RFK: variants seen among roughly 807,000 people sequenced by gnomAD.
RFK encodes the protein riboflavin kinase.
A neutral mutation model predicts 17.6 loss-of-function variants in RFK; 4 were observed. That is an observed-to-expected ratio of 0.23 (90% CI 0.11 to 0.52). RFK has a LOEUF of 0.52. RFK is among the 20% of genes least tolerant of loss of function. The pLI, the probability that RFK is intolerant of heterozygous loss-of-function variation, is 0.96. For synonymous variants in RFK, 59 were observed against 63.8 expected, an observed-to-expected ratio of 0.92 and a Z score of 0.36; for missense variants, 189 against 187.7, an observed-to-expected ratio of 1.01 and a Z score of -0.04.
Position 76,387,117 on chromosome 9 carries a change from C to T in RFK, c.*282G>A, listed in dbSNP as rs1216715564. On this transcript the variant is annotated 3_prime_UTR_variant, in exon 4 of 4. Transcript: ENST00000376736. ...TTTTCATCTCAAACTAGTGACTTGC[C>T]TTTTTACCCATACTTATACACATGT... 3 of 229,482 alleles carry T rather than the reference C, an allele frequency of 1.3e-5. No homozygotes were observed. Among genetic ancestry groups the T allele is most frequent in the Non-Finnish European group, 2.6e-5 (3 of 116,550 alleles). The allele number at this position is 229,482 out of a possible 1,614,324, so 14.2% of individuals were successfully genotyped here. A position where few individuals can be genotyped will look rare whatever the true frequency, so the allele number is the denominator to read the frequency against.
Position 76,394,098 on chromosome 9 carries a change from A to G in RFK, c.74T>C (p.Ile25Thr). The change falls in exon 1 of 4, where the codon ATC (isoleucine) becomes ACC (threonine). Residue 25 changes from isoleucine to threonine, a missense_variant. This residue lies in a region of RFK where 90 missense variants were observed against 75.4 expected (regional missense o/e 1.19). Transcript: ENST00000376736. ...GGCCGCCCTGCTCTCACCTGTGGGG[A>G]TGCCCAGCTGCTTGGAGCCGCGGCC... The part of the protein sequence containing the change: ...GFGRGSKQLG[I>T]PTANFPEQVV... 1 of 1,606,242 alleles carries G rather than the reference A, an allele frequency of 6.2e-7. No homozygotes were observed. The highest frequency in any genetic ancestry group is 8.5e-7 in the Non-Finnish European group (1 of 1,177,562).
Position 76,387,061 on chromosome 9 carries a change from A to C in RFK, c.*338T>G. ...AGAAGTACACACTACACAAGTACAT[A>C]CATGCTGGCATTTTACCATGAAAAT... On this transcript the variant is annotated 3_prime_UTR_variant, in exon 4 of 4. Coordinates refer to ENST00000376736, the MANE Select transcript of RFK (RefSeq NM_018339.6). The C allele has an allele frequency of 5.1e-6, 1 of 195,586 alleles. No homozygotes were observed. The highest frequency in any genetic ancestry group is 1.1e-5 in the Non-Finnish European group (1 of 93,768). The allele number at this position is 195,586 out of a possible 1,614,324, so 12.1% of individuals were successfully genotyped here.
At chr9:76,388,149 A>G (rs1164133240) in intron 3 of RFK, 3 of 402,964 alleles carry the variant, frequency 7.4e-6, no homozygotes, top group African/African-American at 4.2e-5. Context: ...ACTTTATAAC[A>G]GAGTTAAAAC....
At chr9:76,390,336 TA>T (rs1014514380) in intron 2 of RFK, among the ~76,000 whole-genome samples, 2 of 152,020 alleles carry the variant, frequency 1.3e-5, no homozygotes, top group African/African-American at 4.8e-5. Context: ...AAGCACTAAC[TA>T]TAAAAAAAAT....
intron 2 of RFK, among the ~76,000 whole-genome samples, chr9:76,390,642 T>A (rs1462123163): frequency 2.7e-5 from 4 of 149,338 alleles, no homozygotes; most frequent in Admixed American, 6.8e-5. Context: ...GCAGCCTGGG[T>A]GACAGAGCAA....
rs1822736654 is a variant in RFK, at chr9:76,386,703, T to C, written c.*696A>G. ...GAATTGAAGCAGCTCTATACAATAATGAAGGTGGTACAATGATGTGACTGC... is the reference window on the plus strand; with the variant it reads ...GAATTGAAGCAGCTCTATACAATAACGAAGGTGGTACAATGATGTGACTGC... On this transcript the variant is annotated 3_prime_UTR_variant, in exon 4 of 4. Transcript: ENST00000376736. The C allele has an allele frequency of 6.6e-6, 1 of 152,154 alleles. No individual in the cohort carries two copies. The highest frequency in any genetic ancestry group is 2.4e-5 in the African/African-American group (1 of 41,446). The allele number at this position is 152,154 out of a possible 1,614,324, so 9.4% of individuals were successfully genotyped here.
chr9:76,387,300 A>G lies in RFK; in HGVS notation c.*99T>C, dbSNP rs1822749864. On this transcript the variant is annotated 3_prime_UTR_variant, in exon 4 of 4. Coordinates refer to ENST00000376736, the MANE Select transcript of RFK (RefSeq NM_018339.6). ...GTTTAAACTAATTCACAACTGTAGT[A>G]AAGTGTTTGATTTTCAGTATATAAC... The G allele has an allele frequency of 3.7e-6, 4 of 1,094,766 alleles. No individual in the cohort carries two copies. The highest frequency in any genetic ancestry group is 5.3e-6 in the Non-Finnish European group (4 of 754,644). The allele number at this position is 1,094,766 out of a possible 1,614,324, so 67.8% of individuals were successfully genotyped here.
At chr9:76,390,733 C>T (rs576943124) in intron 2 of RFK, among the ~76,000 whole-genome samples, 5 of 137,088 alleles carry the variant, frequency 3.6e-5, no homozygotes, top group African/African-American at 1.3e-4. Context: ...AAACCACACA[C>T]ACACACACAA....
chr9:76,392,487 A>T lies in RFK; in HGVS notation c.165T>A (p.Ser55Arg). Residue 55 changes from serine to arginine, a missense_variant, in exon 2 of 4, where the codon AGT (serine) becomes AGA (arginine). Ser to Arg is a moderately radical substitution (Grantham distance 110). Around this residue, in one of 3 missense-constraint regions of RFK, gnomAD observed 90 missense variants for 75.4 expected, o/e 1.19. Transcript: ENST00000376736. ...GIYYGWASVG[S>R]GDVHKMVVSI... ...TCACCACCATCTTATGGACATCTCC[A>T]CTTCCAACACTGGCCCAACCATAGT... is the stretch of plus-strand genomic sequence containing the variant. 6.2e-7 allele frequency: 1 copy of T among 1,614,170 alleles called. No individual in the cohort carries two copies. The highest frequency in any genetic ancestry group is 8.5e-7 in the Non-Finnish European group (1 of 1,179,994).
intron 2 of RFK, among the ~76,000 whole-genome samples, chr9:76,391,165 T>C (rs1351996684): frequency 6.6e-6 from 1 of 152,238 alleles, no homozygotes; most frequent in South Asian, 2.1e-4. Flanking sequence ...GAAAAATAAC[T>C]GAAATACTGA....
intron 1 of RFK, 54 bp from the exon 2 acceptor site, chr9:76,392,623 G>C: frequency 6.4e-7 from 1 of 1,564,706 alleles, no homozygotes; most frequent in Admixed American, 1.7e-5. Flanking sequence ...TTAAATGCCT[G>C]TAGCCGAGTG....
chr9:76,388,458 A>C, intron 3 of RFK, 96 bp downstream of exon 3: 3 of 781,952 alleles, frequency 3.8e-6, no homozygotes, highest in Non-Finnish European at 4.4e-6. Context: ...AAATGCTCAA[A>C]TATTATCTGT....
chr9:76,392,336 G>T, intron 2 of RFK, 82 bp downstream of exon 2: 1 of 1,424,762 alleles, frequency 7.0e-7, no homozygotes, highest in Non-Finnish European at 9.7e-7. Flanking sequence ...CCACTGATAA[G>T]CTATTTCTGT....
At chr9:76,391,688 A>G (rs1047957335) in intron 2 of RFK, among the ~76,000 whole-genome samples, 1 of 152,176 alleles carries the variant, frequency 6.6e-6, no homozygotes, top group Admixed American at 6.5e-5. Flanking sequence ...TCCACTCTTT[A>G]TTTTCTACAT....
intron 1 of RFK, among the ~76,000 whole-genome samples, chr9:76,393,180 G>T (rs1822838876): frequency 6.6e-6 from 1 of 151,544 alleles, no homozygotes; most frequent in Non-Finnish European, 1.5e-5. Context: ...TTCCTAACCA[G>T]GTACTGAATC....
chr9:76,388,761 CACTCCTTAA>C (rs1822777070), intron 2 of RFK, 105 bp from the exon 3 acceptor site: 1 of 664,118 alleles, frequency 1.5e-6, no homozygotes, highest in Non-Finnish European at 2.6e-6. Context: ...AAACAATCAA[CACTCCTTAA>C]ACTTTTAAAG....
rs530896111 is a variant in RFK, at chr9:76,386,290, G to A, written c.*1109C>T. The A allele has an allele frequency of 2.6e-5, 4 of 152,172 alleles. No homozygotes were observed. The highest frequency in any genetic ancestry group is 2.1e-4 in the South Asian group (1 of 4,820). The allele number at this position is 152,172 out of a possible 1,614,324, so 9.4% of individuals were successfully genotyped here. Reference sequence around the variant, plus strand: ...GTACTCTTTAGCATTAAATTACATCGTGCATATACAACTACACCCATTTAG... The same window carrying A: ...GTACTCTTTAGCATTAAATTACATCATGCATATACAACTACACCCATTTAG... On this transcript the variant is annotated 3_prime_UTR_variant, in exon 4 of 4. Transcript: ENST00000376736.
chr9:76,388,726 T>C lies in RFK; in HGVS notation c.235-70A>G, dbSNP rs185023990. The stretch of plus-strand genomic sequence containing the variant: ...TACTGAAATCTGAAATACATCTTCA[T>C]GTTTATGGTGAGTTAATTTAAATGA... On this transcript the variant is annotated intron_variant, in intron 2 of 3. Transcript: ENST00000376736. The C allele has an allele frequency of 1.3e-5, 11 of 828,716 alleles. No individual in the cohort carries two copies. In the East Asian group the frequency reaches 2.5e-4, roughly 19 times the overall value. The allele number at this position is 828,716 out of a possible 1,614,324, so 51.3% of individuals were successfully genotyped here.
Position 76,387,542 on chromosome 9 carries a change from T to C in RFK, c.338-13A>G. 6.3e-7 allele frequency: 1 copy of C among 1,595,504 alleles called. No individual in the cohort carries two copies. The highest frequency in any genetic ancestry group is 8.5e-7 in the Non-Finnish European group (1 of 1,175,462). ...GAAATAAGTGACTCTGCAGAGAGAA[T>C]ATACCAGGTAAAAATGATGAAAAAC... On this transcript the variant is annotated splice_polypyrimidine_tract_variant and intron_variant, in intron 3 of 3. Coordinates refer to ENST00000376736, the MANE Select transcript of RFK (RefSeq NM_018339.6).
Sources: gnomAD v4.1 joint callset for allele counts (sites outside exome capture counted in the v4.1 genomes callset) on GRCh38, gnomAD v4.1.1 for gene constraint, gnomAD v4.1.1 regional missense constraint, MANE v1.5 for transcripts, NCBI Gene and HGNC (gene_info 2026-07-23, HGNC 2026-07-21) for gene names.